The following ITGAE variants were observed in gnomAD, a reference collection of about 807,000 sequenced individuals.
ITGAE encodes integrin alpha-E.
A neutral mutation model predicts 136.5 loss-of-function variants in ITGAE; 99 were observed. The observed-to-expected ratio is 0.73, with a 90% CI of 0.62 to 0.86. The LOEUF (loss-of-function observed/expected upper bound fraction) is 0.86. Among genes scored for constraint, ITGAE ranks in the 40% least tolerant of loss-of-function variants. The pLI is 0.00. For missense variants in ITGAE, 1,447 were observed against 1,515.3 expected (o/e 0.95, Z 0.75); for synonymous variants, 613 against 591.8 (o/e 1.04, Z -0.52).
intron 30 of ITGAE, among the ~76,000 whole-genome samples, 185 bp from the exon 31 acceptor site, chr17:3,715,127 C>T (rs780811827): frequency 2.6e-5 from 4 of 152,224 alleles, no homozygotes; most frequent in Non-Finnish European, 5.9e-5. Context: ...CTCTGGTGCT[C>T]ATCCCTCAAT....
At position 3,777,608 on chromosome 17, in the gene ITGAE, C is replaced by T. The variant is rs370069595; in HGVS notation, c.87G>A (p.Thr29=). 16 of 1,613,864 alleles carry T rather than the reference C, an allele frequency of 9.9e-6. No homozygotes were observed. The highest frequency in any genetic ancestry group is 6.7e-5 in the African/African-American group (5 of 74,926). ...FNVDVARPWL[T]PKGGAPFVLS... ...GCACGAAAGGGGCACCTCCCTTGGGCGTGAGCCAGGGCCGGGCCACATCCA... is the reference window on the plus strand; with the variant it reads ...GCACGAAAGGGGCACCTCCCTTGGGTGTGAGCCAGGGCCGGGCCACATCCA... The change falls in exon 2 of 31, where the codon ACG becomes ACA. Residue 29 remains threonine, a synonymous_variant. Transcript: ENST00000263087.
Position 3,747,912 on chromosome 17 carries a change from A to T in ITGAE, c.2155+10T>A. 1 of 1,544,610 alleles carries T rather than the reference A, an allele frequency of 6.5e-7. No homozygotes were observed. Among genetic ancestry groups the T allele is most frequent in the South Asian group, 1.1e-5 (1 of 90,062 alleles). ...ACACCAGGCAGGGGTCAGCTGGACC[A>T]TTTTTTTACCTGACTCAGAGGCTGT... On this transcript the variant is annotated intron_variant, in intron 17 of 30. Coordinates refer to ENST00000263087, the MANE Select transcript of ITGAE (RefSeq NM_002208.5).
rs772776948 is a variant in ITGAE at position 3,777,663 on chromosome 17, G to A, written c.35-3C>T. On this transcript the variant is annotated splice_polypyrimidine_tract_variant and splice_region_variant and intron_variant, in intron 1 of 30. Transcript: ENST00000263087. ...GAAAGCGGCCAGCAGGGCCAGGCCTGTAGGGAAAAGAGGAGCGTTTAATGA... is the reference window on the plus strand; with the variant it reads ...GAAAGCGGCCAGCAGGGCCAGGCCTATAGGGAAAAGAGGAGCGTTTAATGA... The A allele has an allele frequency of 6.8e-6, 11 of 1,606,786 alleles. No homozygotes were observed. The highest frequency in any genetic ancestry group is 5.5e-5 in the South Asian group (5 of 90,724).
intron 19 of ITGAE, among the ~76,000 whole-genome samples, chr17:3,740,132 C>G (rs2051550028): frequency 6.6e-6 from 1 of 152,220 alleles, no homozygotes; most frequent in Admixed American, 6.5e-5. Context: ...AAGGTAAAAA[C>G]TGGGGTGACC....
chr17:3,758,854 G>A (rs183408621), intron 8 of ITGAE, among the ~76,000 whole-genome samples: 10 of 151,796 alleles, frequency 6.6e-5, no homozygotes, highest in Non-Finnish European at 1.3e-4. Flanking sequence ...GGCCGGGCGC[G>A]GTGGCTCACG....
chr17:3,795,966 C>CGT (rs1307751033), intron 1 of ITGAE, among the ~76,000 whole-genome samples: 1 of 84,974 alleles, frequency 1.2e-5, no homozygotes, highest in African/African-American at 5.4e-5. Flanking sequence ...CCTGTGTGTG[C>CGT]GTGTGTGCAT....
At chr17:3,736,702 T>C (rs1334370354) in intron 20 of ITGAE, among the ~76,000 whole-genome samples, 2 of 152,170 alleles carry the variant, frequency 1.3e-5, no homozygotes, top group Non-Finnish European at 2.9e-5. Flanking sequence ...TCTCAGTAGC[T>C]GAGATTGACA....
At chr17:3,734,336 G>A (rs1168695516) in intron 21 of ITGAE, among the ~76,000 whole-genome samples, 1 of 152,218 alleles carries the variant, frequency 6.6e-6, no homozygotes, top group Non-Finnish European at 1.5e-5. Flanking sequence ...GCCTCCCAAA[G>A]TGCTGGGATT....
chr17:3,762,020 C>A, intron 3 of ITGAE, 38 bp from the exon 4 acceptor site: 1 of 1,578,970 alleles, frequency 6.3e-7, no homozygotes, highest in Non-Finnish European at 8.7e-7. Context: ...GAGGAGGGGA[C>A]TCTGGGAGGC....
chr17:3,776,918 C>T (rs968804502), intron 2 of ITGAE, among the ~76,000 whole-genome samples: 3 of 151,464 alleles, frequency 2.0e-5, no homozygotes, highest in Admixed American at 6.6e-5. Context: ...GTGTTACTTC[C>T]ATAAGGAACA....
chr17:3,750,362 C>G lies in ITGAE; in HGVS notation c.2014G>C (p.Val672Leu). 6.2e-7 allele frequency: 1 copy of G among 1,614,074 alleles called. No individual in the cohort carries two copies. Among genetic ancestry groups the G allele is most frequent in the South Asian group, 1.1e-5 (1 of 91,082 alleles). The change falls in exon 16 of 31, where the codon GTT (valine) becomes CTT (leucine). Residue 672 changes from valine to leucine, a missense_variant. Transcript: ENST00000263087. ...AGGACAGAACCCTACCGGAACACAA[C>G]CGCCTGGCCCAGAGTGCCCACGGTG... ...DITVGTLGQA[V>L]VFRSRPVVRL... is the part of the protein sequence containing the mutation.
chr17:3,729,397 A>G, intron 24 of ITGAE, 81 bp downstream of exon 24: 1 of 860,422 alleles, frequency 1.2e-6, no homozygotes, highest in East Asian at 2.4e-5. Context: ...CCTGACCACC[A>G]GCTCCATCTA....
chr17:3,746,352 C>T (rs2051713433), intron 17 of ITGAE, among the ~76,000 whole-genome samples: 1 of 152,150 alleles, frequency 6.6e-6, no homozygotes. Flanking sequence ...CTGTACAGAA[C>T]AGAACCAGCT....
chr17:3,759,597 A>G, intron 7 of ITGAE, 44 bp from the exon 8 acceptor site: 1 of 1,589,910 alleles, frequency 6.3e-7, no homozygotes, highest in Non-Finnish European at 8.6e-7. Flanking sequence ...AAGAATTGCC[A>G]CCTCTGCCCC....
intron 3 of ITGAE, 115 bp from the exon 4 acceptor site, chr17:3,762,097 G>T: frequency 1.3e-6 from 1 of 794,272 alleles, no homozygotes; most frequent in Non-Finnish European, 2.1e-6. Flanking sequence ...GGAACTGTTG[G>T]CCACTCAGAG....
At chr17:3,727,881 G>C in intron 26 of ITGAE, 38 bp downstream of exon 26, 1 of 1,234,968 alleles carries the variant, frequency 8.1e-7, no homozygotes, top group Non-Finnish European at 1.2e-6. Flanking sequence ...AGTCACTGTG[G>C]AAAGAGGTGT....
At chr17:3,763,491 A>G (rs1334132337) in intron 3 of ITGAE, among the ~76,000 whole-genome samples, 1 of 152,162 alleles carries the variant, frequency 6.6e-6, no homozygotes, top group Admixed American at 6.6e-5. Flanking sequence ...ACCAACACTA[A>G]AAGTGTGAAC....
In ITGAE at chr17:3,757,792, C is replaced by G. The variant is rs754535825; in HGVS notation, c.934G>C (p.Asp312His). 5 of 1,614,142 alleles carry G rather than the reference C, an allele frequency of 3.1e-6. No individual in the cohort carries two copies. In the East Asian group the frequency reaches 1.1e-4, roughly 36 times the overall value. The stretch of plus-strand genomic sequence containing the variant: ...AGGGGGTCCTCGAATATGCCACCAT[C>G]GGTGAGCACCACCATGACCTTGGAT... Reference protein sequence around the residue: ...KASKVMVVLTDGGIFEDPLNL... With the variant: ...KASKVMVVLTHGGIFEDPLNL... The change falls in exon 9 of 31, where the codon GAT becomes CAT. Residue 312 changes from aspartate (D) to histidine (H), a missense_variant. Physicochemically the swap from Asp to His is moderately conservative, Grantham distance 81. Transcript: ENST00000263087.
chr17:3,750,477 G>C lies in ITGAE; in HGVS notation c.1899C>G (p.Ile633Met), dbSNP rs752515192. The C allele has an allele frequency of 6.8e-6, 11 of 1,613,962 alleles. No individual in the cohort carries two copies. Among genetic ancestry groups the C allele is most frequent in the African/African-American group, 1.3e-5 (1 of 74,930 alleles). ...GTCCTGGGGCCACCGTGGAGGCTCTGATCCGCTGTGGAGGCAGAAACACAA... is the reference window on the plus strand; with the variant it reads ...GTCCTGGGGCCACCGTGGAGGCTCTCATCCGCTGTGGAGGCAGAAACACAA... ...DGLSASPSQR[I>M]RASTVAPGLQ... The change falls in exon 16 of 31, where the codon ATC becomes ATG. Residue 633 changes from isoleucine to methionine, a missense_variant. Physicochemically the swap from Ile to Met is conservative, Grantham distance 10. Transcript: ENST00000263087.
Sources: allele counts gnomAD v4.1 joint callset (sites outside exome capture counted in the v4.1 genomes callset), GRCh38; gene constraint gnomAD v4.1.1; transcripts MANE v1.5; gene names NCBI Gene and HGNC (gene_info 2026-07-23, HGNC 2026-07-21).